The following MROH9 variants were observed in gnomAD, a reference collection of about 807,000 sequenced individuals.
MROH9 encodes maestro heat-like repeat-containing protein family member 9.
In MROH9, 92 loss-of-function variants were observed where a neutral mutation model predicts 98.2. The ratio of observed to expected loss-of-function variants is 0.94; its 90% CI spans 0.79 to 1.11. The LOEUF (loss-of-function observed/expected upper bound fraction) is 1.11, where lower values mean the gene tolerates loss of function less well. Among genes scored for constraint, MROH9 ranks in the 50% most tolerant of loss-of-function variants. MROH9 has a pLI of 0.00. For missense variants in MROH9, 1,057 were observed against 1,014.8 expected (o/e 1.04, Z -0.57); for synonymous variants, 397 against 368.9 (o/e 1.08, Z -0.87).
chr1:171,037,309 T>C (rs1258217166), intron 20 of MROH9, among the ~76,000 whole-genome samples: 2 of 150,308 alleles, frequency 1.3e-5, no homozygotes, highest in Non-Finnish European at 3.0e-5. Flanking sequence ...GGAAGACTTT[T>C]GGAAGAAAGT....
At position 171,039,220 on chromosome 1, in the gene MROH9, G is replaced by A. The variant is rs1384889378; in HGVS notation, c.2281+13800G>A. Among the ~76,000 whole-genome samples the A allele has an allele frequency of 3.3e-5, 5 of 152,260 alleles. No individual in the cohort carries two copies. In the East Asian group the frequency reaches 5.8e-4, roughly 18 times the overall value. ...TTTCCGTAGAGCCATTTAATTTGTA[G>A]GTCTTTTTGCATAATGTTTCCACCT... On this transcript the variant is annotated intron_variant, in intron 20 of 21. Coordinates refer to ENST00000367759, the MANE Select transcript of MROH9 (RefSeq NM_001163629.2).
intron 3 of MROH9, among the ~76,000 whole-genome samples, chr1:170,948,961 T>C (rs1489989377): frequency 6.6e-6 from 1 of 152,110 alleles, no homozygotes; most frequent in East Asian, 1.9e-4. Context: ...TTTGGATCAA[T>C]ACTTGGGGAT....
chr1:170,987,057 A>G (rs1651166281), intron 10 of MROH9, among the ~76,000 whole-genome samples: 1 of 151,622 alleles, frequency 6.6e-6, no homozygotes, highest in Non-Finnish European at 1.5e-5. Flanking sequence ...GGTCTTAACT[A>G]TGTTGCCCAG....
chr1:171,062,155 C>G lies in MROH9; in HGVS notation c.2305C>G (p.His769Asp), dbSNP rs768228043. ...AGGATATTTGGCAAAATCAGGTGGT[C>G]ATTTACTGCTTAGAGATGAAATCGA... Reference protein sequence around the residue: ...LIGYLAKSGGHLLLRDEIEVM... With the variant: ...LIGYLAKSGGDLLLRDEIEVM... Residue 769 changes from histidine (H) to aspartate (D), a missense_variant, in exon 21 of 22, where the codon CAT (histidine) becomes GAT (aspartate). Transcript: ENST00000367759. 1 of 1,549,864 alleles carries G rather than the reference C, an allele frequency of 6.5e-7. No individual in the cohort carries two copies.
chr1:170,963,344 G>T (rs1650100924), intron 6 of MROH9, among the ~76,000 whole-genome samples: 1 of 152,118 alleles, frequency 6.6e-6, no homozygotes, highest in South Asian at 2.1e-4. Context: ...TGCTGGCAGG[G>T]TTGTGGAGAA....
chr1:171,042,505 G>A (rs1465677168), intron 20 of MROH9, among the ~76,000 whole-genome samples: 1 of 152,064 alleles, frequency 6.6e-6, no homozygotes, highest in Non-Finnish European at 1.5e-5. Flanking sequence ...TATATACCCA[G>A]CAGTGGAATT....
chr1:171,024,887 T>C (rs1416875188), intron 19 of MROH9, 122 bp downstream of exon 19: 2 of 630,638 alleles, frequency 3.2e-6, no homozygotes, highest in African/African-American at 3.7e-5. Context: ...TGGAAGAAAA[T>C]ATTTTAAATA....
intron 7 of MROH9, among the ~76,000 whole-genome samples, chr1:170,970,898 C>T (rs78905762): frequency 2.6e-4 from 40 of 152,250 alleles, no homozygotes; most frequent in African/African-American, 9.4e-4. Flanking sequence ...TTGCTCCAAT[C>T]ATCAAAGCCT....
At position 170,994,079 on chromosome 1, in the gene MROH9, G is replaced by A. The variant is rs568036774; in HGVS notation, c.1195-1310G>A. ...TATTGACTTTGTGTGTAAGCATTGCGCTTATACATAAAAATGCTGAAACTT... is the reference window on the plus strand; with the variant it reads ...TATTGACTTTGTGTGTAAGCATTGCACTTATACATAAAAATGCTGAAACTT... On this transcript the variant is annotated intron_variant, in intron 12 of 21. Transcript: ENST00000367759. Among the ~76,000 whole-genome samples the A allele has an allele frequency of 7.9e-5, 12 of 152,190 alleles. No homozygotes were observed. In the South Asian group the frequency reaches 1.0e-3, roughly 13 times the overall value.
intron 7 of MROH9, among the ~76,000 whole-genome samples, chr1:170,968,233 A>G (rs1030210682): frequency 6.6e-6 from 1 of 152,242 alleles, no homozygotes; most frequent in Non-Finnish European, 1.5e-5. Context: ...AAACACATGC[A>G]TTAATTCAAA....
intron 8 of MROH9, among the ~76,000 whole-genome samples, chr1:170,973,758 G>A (rs28608087): frequency 6.6e-6 from 1 of 151,760 alleles, no homozygotes; most frequent in Middle Eastern, 3.2e-3. Flanking sequence ...GCCTGTAATC[G>A]CAGCTACTCA....
In MROH9 at chr1:171,025,300, T is replaced by C; in HGVS notation, c.2179-18T>C. ...TTCAGCAATCGAGTGAGGTGCTTTT[T>C]TCCCTTTTTATTCTCAGATTATTTC... On this transcript the variant is annotated intron_variant, in intron 19 of 21. Coordinates refer to ENST00000367759, the MANE Select transcript of MROH9 (RefSeq NM_001163629.2). 6.8e-7 allele frequency: 1 copy of C among 1,472,580 alleles called. No individual in the cohort carries two copies. Among genetic ancestry groups the C allele is most frequent in the South Asian group, 1.2e-5 (1 of 82,324 alleles). The allele number at this position is 1,472,580 out of a possible 1,614,324, so 91.2% of individuals were successfully genotyped here.
In MROH9 at chr1:170,995,408, C is replaced by A. The variant is rs1347691553; in HGVS notation, c.1214C>A (p.Thr405Asn). 6.2e-7 allele frequency: 1 copy of A among 1,613,238 alleles called. No individual in the cohort carries two copies. Among genetic ancestry groups the A allele is most frequent in the African/African-American group, 1.3e-5 (1 of 74,854 alleles). ...TTATAGGCATGCCAGGCCCTGTGCA[C>A]CTTTCTGCCTCTTGGTTCCTACAGG... ...MPLAACQALC[T>N]FLPLGSYRKA... Residue 405 changes from threonine to asparagine, a missense_variant, in exon 13 of 22, where the codon ACC becomes AAC. Transcript: ENST00000367759.
chr1:170,967,713 C>T (rs1001489690), intron 7 of MROH9, among the ~76,000 whole-genome samples: 1 of 152,176 alleles, frequency 6.6e-6, no homozygotes, highest in Non-Finnish European at 1.5e-5. Flanking sequence ...TCTCACATGA[C>T]TCATGTGCCC....
At chr1:170,958,356 T>TCCTTTAG (rs1649861538) in intron 3 of MROH9, 105 bp from the exon 4 acceptor site, 1 of 568,742 alleles carries the variant, frequency 1.8e-6, no homozygotes, top group Admixed American at 3.2e-5. Flanking sequence ...CTGATTTGGT[T>TCCTTTAG]CCTTTAGTCT....
intron 10 of MROH9, among the ~76,000 whole-genome samples, 185 bp downstream of exon 10, chr1:170,986,895 C>T (rs758432678): frequency 4.6e-5 from 7 of 152,052 alleles, no homozygotes; most frequent in Non-Finnish European, 7.4e-5. Context: ...CTGTGGCTCA[C>T]GCTGGAGTGC....
At chr1:170,953,393 C>A (rs894619005) in intron 3 of MROH9, among the ~76,000 whole-genome samples, 1 of 149,746 alleles carries the variant, frequency 6.7e-6, no homozygotes, top group South Asian at 2.1e-4. Context: ...CCATGGTTTC[C>A]GTGTTGCATC....
intron 20 of MROH9, among the ~76,000 whole-genome samples, chr1:171,035,375 A>G (rs900477497): frequency 6.6e-6 from 1 of 151,854 alleles, no homozygotes; most frequent in Non-Finnish European, 1.5e-5. Flanking sequence ...AATCAGAAAC[A>G]TGCAAATTAG....
intron 11 of MROH9, 92 bp downstream of exon 11, chr1:170,990,095 A>G: frequency 7.6e-7 from 1 of 1,312,378 alleles, no homozygotes; most frequent in East Asian, 2.5e-5. Flanking sequence ...AATCTACCAT[A>G]GTCAGGCCTG....
Sources: allele counts gnomAD v4.1 joint callset (sites outside exome capture counted in the v4.1 genomes callset), GRCh38; gene constraint gnomAD v4.1.1; transcripts MANE v1.5; gene names NCBI Gene and HGNC (gene_info 2026-07-23, HGNC 2026-07-21).